Variants in CEP63 observed in about 807,000 individuals in gnomAD.
The protein encoded by CEP63 is centrosomal protein 63, also known as centrosomal protein of 63 kDa.
In CEP63, 84 loss-of-function variants were observed where a neutral mutation model predicts 89.1. That is an observed-to-expected ratio of 0.94 (90% CI 0.79 to 1.13). The LOEUF is 1.13. CEP63 is among the 50% of genes most tolerant of loss of function. The probability of loss-of-function intolerance (pLI) is 0.00; values close to 1 mark genes in which losing one functional copy is unlikely to be tolerated. For missense variants in CEP63, 838 were observed against 813.3 expected (o/e 1.03, Z -0.37); for synonymous variants, 267 against 272.5 (o/e 0.98, Z 0.20).
At chr3:134,491,945 A>G (rs908931504) in intron 1 of CEP63, among the ~76,000 whole-genome samples, 17 of 152,250 alleles carry the variant, frequency 1.1e-4, no homozygotes, top group African/African-American at 3.9e-4. Flanking sequence ...GGCATATACT[A>G]TGATATTTTT....
downstream of CEP63, among the ~76,000 whole-genome samples, chr3:134,566,986 T>C (rs1323435869): frequency 2.0e-5 from 3 of 152,234 alleles, no homozygotes; most frequent in African/African-American, 7.2e-5. Flanking sequence ...GCAACATTAT[T>C]CACAATAACA....
chr3:134,492,604 A>G (rs6806417), intron 1 of CEP63, among the ~76,000 whole-genome samples: 98,882 of 149,004 alleles, frequency 0.66, 32,995 homozygotes, highest in East Asian at 0.81. Context: ...AGGAATCTCT[A>G]TCTTAGACCA....
chr3:134,704,383 T>A, the CEP63 span, among the ~76,000 whole-genome samples: 1 of 150,004 alleles, frequency 6.7e-6, no homozygotes, highest in African/African-American at 2.5e-5. Flanking sequence ...ACACCTAACA[T>A]CCAGTAGACA....
At chr3:134,623,304 C>A in the CEP63 span, among the ~76,000 whole-genome samples, 4 of 152,190 alleles carry the variant, frequency 2.6e-5, no homozygotes, top group African/African-American at 9.7e-5. Flanking sequence ...TTACAAAAAT[C>A]TGGGCCCTTT....
intron 5 of CEP63, chr3:134,536,642 G>T (rs1234606503): frequency 1.1e-5 from 2 of 175,886 alleles, no homozygotes; most frequent in East Asian, 2.8e-4. Context: ...GATATCAAAG[G>T]ATATTGTGTT....
the CEP63 span, among the ~76,000 whole-genome samples, chr3:134,685,882 T>TG: frequency 1.3e-5 from 2 of 152,158 alleles, no homozygotes; most frequent in Non-Finnish European, 2.9e-5. Context: ...CTGTATAAAG[T>TG]GGGGGCACCT....
chr3:134,559,544 T>G, intron 14 of CEP63, 115 bp downstream of exon 14: 1 of 849,032 alleles, frequency 1.2e-6, no homozygotes, highest in Non-Finnish European at 1.8e-6. Flanking sequence ...TTATCATAAG[T>G]ACTCTTCATT....
chr3:134,729,147 T>C, the CEP63 span, among the ~76,000 whole-genome samples: 10 of 152,166 alleles, frequency 6.6e-5, no homozygotes, highest in Non-Finnish European at 1.5e-4. Flanking sequence ...ATTCACATGG[T>C]TCTAAAATCA....
the CEP63 span, among the ~76,000 whole-genome samples, chr3:134,720,526 C>A: frequency 6.6e-6 from 1 of 152,060 alleles, no homozygotes; most frequent in Non-Finnish European, 1.5e-5. Context: ...CATACATAAA[C>A]AATTCAGGGC....
downstream of CEP63, among the ~76,000 whole-genome samples, chr3:134,578,743 C>T (rs1223374062): frequency 6.6e-6 from 1 of 152,176 alleles, no homozygotes; most frequent in Non-Finnish European, 1.5e-5. Flanking sequence ...ATTCTTTCCC[C>T]ACTTTTTGAT....
At chr3:134,608,774 T>C in the CEP63 span, 6 of 1,613,898 alleles carry the variant, frequency 3.7e-6, no homozygotes, top group African/African-American at 8.0e-5. Context: ...CTGCCAGTTC[T>C]TGTTGTCTGG....
chr3:134,612,139 C>A, the CEP63 span, among the ~76,000 whole-genome samples: 1 of 152,168 alleles, frequency 6.6e-6, no homozygotes, highest in South Asian at 2.1e-4. Flanking sequence ...TTTTCTAGCC[C>A]CCGCCCTTTT....
At position 134,545,688 on chromosome 3, in the gene CEP63, A is replaced by G. The variant is rs775974317; in HGVS notation, c.658A>G (p.Ile220Val). 39 of 1,613,972 alleles carry G rather than the reference A, an allele frequency of 2.4e-5. No homozygotes were observed. Among genetic ancestry groups the G allele is most frequent in the Middle Eastern group, 1.6e-4 (1 of 6,084 alleles). ...SSKLERANDT[I>V]CANELEIERL... ...TAAACTGGAGCGGGCTAATGACACT[A>G]TCTGTGCCAATGAGTTGGAAATAGA... is the stretch of plus-strand genomic sequence containing the variant. Residue 220 changes from isoleucine (I) to valine (V), a missense_variant, in exon 7 of 15, where the codon ATC (isoleucine) becomes GTC (valine). Transcript: ENST00000675561.
chr3:134,502,825 T>C (rs1942386860), intron 2 of CEP63, among the ~76,000 whole-genome samples: 1 of 152,200 alleles, frequency 6.6e-6, no homozygotes, highest in Non-Finnish European at 1.5e-5. Flanking sequence ...TTTTTTCTGC[T>C]GGCTTTGGGT....
At chr3:134,580,749 T>G (rs945652450) in intron 10 of CEP63, among the ~76,000 whole-genome samples, 1 of 152,218 alleles carries the variant, frequency 6.6e-6, no homozygotes, top group Non-Finnish European at 1.5e-5. Flanking sequence ...AAGGTTGATA[T>G]AACATTTGAG....
At chr3:134,622,014 T>G in the CEP63 span, among the ~76,000 whole-genome samples, 1 of 152,196 alleles carries the variant, frequency 6.6e-6, no homozygotes, top group African/African-American at 2.4e-5. Flanking sequence ...CACAATGAGA[T>G]AGCACTTCAG....
chr3:134,709,298 C>T, the CEP63 span, among the ~76,000 whole-genome samples: 8 of 152,184 alleles, frequency 5.3e-5, no homozygotes, highest in African/African-American at 1.9e-4. Context: ...TTGGACATTG[C>T]TGTGGGGGTG....
chr3:134,568,178 C>A (rs971060137), downstream of CEP63, among the ~76,000 whole-genome samples: 1 of 152,104 alleles, frequency 6.6e-6, no homozygotes, highest in African/African-American at 2.4e-5. Flanking sequence ...CCAGAGCTGT[C>A]CTGATTTCTG....
intron 2 of CEP63, among the ~76,000 whole-genome samples, chr3:134,501,234 C>T (rs548035356): frequency 6.6e-6 from 1 of 152,266 alleles, no homozygotes; most frequent in Admixed American, 6.5e-5. Flanking sequence ...GTTTTGGTTA[C>T]TATAGCATTG....
Sources: allele counts gnomAD v4.1 joint callset (sites outside exome capture counted in the v4.1 genomes callset), GRCh38; gene constraint gnomAD v4.1.1; transcripts MANE v1.5; gene names NCBI Gene and HGNC (gene_info 2026-07-23, HGNC 2026-07-21).